Variants in ABCG8 observed in about 807,000 individuals in gnomAD.
ABCG8 encodes ATP-binding cassette sub-family G member 8.
ABCG8 carries 81 observed loss-of-function variants against 71.3 expected under a neutral mutation model. The ratio of observed to expected loss-of-function variants is 1.14; its 90% confidence interval spans 0.95 to 1.37. The LOEUF (loss-of-function observed/expected upper bound fraction) is 1.37. ABCG8 is among the 40% of genes most tolerant of loss of function. ABCG8 has a pLI of 0.00. For synonymous variants in ABCG8, 451 were observed against 354.7 expected (o/e 1.27, Z -3.05); for missense variants, 1,119 against 866.2 (o/e 1.29, Z -3.66).
At chr2:43,848,803 G>A (rs1278609767) in intron 3 of ABCG8, among the ~76,000 whole-genome samples, 1 of 151,906 alleles carries the variant, frequency 6.6e-6, no homozygotes, top group Non-Finnish European at 1.5e-5. Flanking sequence ...ATCACCTGAG[G>A]TCAGGAGTTC....
chr2:43,872,074 G>A lies in ABCG8; in HGVS notation c.1063G>A (p.Asp355Asn), dbSNP rs144221914. 1.2e-6 allele frequency: 2 copies of A among 1,613,986 alleles called. No homozygotes were observed. The highest frequency in any genetic ancestry group is 2.7e-5 in the African/African-American group (2 of 74,910). ...AGCCCTGTTTCTAGAAAAAGTGCGT[G>A]ACTTAGATGACTTTCTATGGAAAGC... is the stretch of plus-strand genomic sequence containing the variant. ...LAALFLEKVRDLDDFLWKAET... is the reference protein window; with the variant it reads ...LAALFLEKVRNLDDFLWKAET... Residue 355 changes from aspartate to asparagine, a missense_variant, in exon 7 of 13, where the codon GAC becomes AAC. Coordinates refer to ENST00000272286, the MANE Select transcript of ABCG8 (RefSeq NM_022437.3).
rs1270435664 is a variant in ABCG8 at position 43,881,624 on chromosome 2, G to C, written c.*3711G>C. 1 of 150,540 alleles carries C rather than the reference G, an allele frequency of 6.6e-6. No homozygotes were observed. Among genetic ancestry groups the C allele is most frequent in the Non-Finnish European group, 1.5e-5 (1 of 67,958 alleles). 9.3% of individuals were successfully genotyped at this position (150,540 alleles called of 1,614,324 possible). ...CTTGGGAGGTTGAGGCAGGAGAATCGCTTGAATCCGGGAGGCAGAGGTTGC... is the reference window on the plus strand; with the variant it reads ...CTTGGGAGGTTGAGGCAGGAGAATCCCTTGAATCCGGGAGGCAGAGGTTGC... On this transcript the variant is annotated 3_prime_UTR_variant, in exon 13 of 13. Coordinates refer to ENST00000272286, the MANE Select transcript of ABCG8 (RefSeq NM_022437.3).
At chr2:43,862,362 A>G (rs1669355272) in intron 6 of ABCG8, among the ~76,000 whole-genome samples, 1 of 150,716 alleles carries the variant, frequency 6.6e-6, no homozygotes, top group Non-Finnish European at 1.5e-5. Flanking sequence ...CTTACTGTGT[A>G]TCTGGATAGA....
chr2:43,867,845 A>G (rs548601864), intron 6 of ABCG8, among the ~76,000 whole-genome samples: 5 of 150,394 alleles, frequency 3.3e-5, no homozygotes, highest in African/African-American at 7.4e-5. Context: ...AATTCTCACT[A>G]TCTTTCTCAA....
In ABCG8 at chr2:43,852,988, G is replaced by A. The variant is rs975059635; in HGVS notation, c.964+120G>A. ...AACTCCCAGAGGTTTCAGGAGAGGA[G>A]GAGCAATGATGGGGAAGAACATGGG... On this transcript the variant is annotated intron_variant, in intron 6 of 12. Transcript: ENST00000272286. 5 of 1,259,808 alleles carry A rather than the reference G, an allele frequency of 4.0e-6. 1 individual carries two copies. Among genetic ancestry groups the A allele is most frequent in the Admixed American group, 1.9e-5 (1 of 53,688 alleles). 78.0% of individuals were successfully genotyped at this position (1,259,808 alleles called of 1,614,324 possible).
rs185455866 is a variant in ABCG8, at chr2:43,843,930, A to C, written c.64-577A>C. ...CACTTTGTTGCATGAACTCTTCATC[A>C]AAATCAGATATGAGGAGAAGTATGC... On this transcript the variant is annotated intron_variant, in intron 1 of 12. Coordinates refer to ENST00000272286, the MANE Select transcript of ABCG8 (RefSeq NM_022437.3). Among the ~76,000 whole-genome samples the C allele has an allele frequency of 4.6e-5, 7 of 152,328 alleles. No individual in the cohort carries two copies. In the East Asian group the frequency reaches 1.2e-3, roughly 25 times the overall value.
Position 43,846,142 on chromosome 2 carries a change from T to C in ABCG8, c.166-13T>C. 6.2e-7 allele frequency: 1 copy of C among 1,612,682 alleles called. No homozygotes were observed. The highest frequency in any genetic ancestry group is 8.5e-7 in the Non-Finnish European group (1 of 1,179,970). On this transcript the variant is annotated splice_polypyrimidine_tract_variant and intron_variant, in intron 2 of 12. Coordinates refer to ENST00000272286, the MANE Select transcript of ABCG8 (RefSeq NM_022437.3). ...TTCAGCTCTCTAAGGAACCTTCTGATATCTCCCCACAGGTGGACCTGGCCT... is the reference window on the plus strand; with the variant it reads ...TTCAGCTCTCTAAGGAACCTTCTGACATCTCCCCACAGGTGGACCTGGCCT...
At chr2:43,865,425 T>A (rs1337207507) in intron 6 of ABCG8, among the ~76,000 whole-genome samples, 1 of 148,832 alleles carries the variant, frequency 6.7e-6, no homozygotes, top group East Asian at 2.0e-4. Context: ...ATAGAATTCT[T>A]ACCATCTGGA....
intron 1 of ABCG8, among the ~76,000 whole-genome samples, chr2:43,843,208 A>G (rs1426978615): frequency 6.6e-6 from 1 of 152,046 alleles, no homozygotes; most frequent in Non-Finnish European, 1.5e-5. Flanking sequence ...CGGCCTTTTC[A>G]TTGTCACATC....
rs138296512 is a variant in ABCG8, at chr2:43,874,398, A to AT, written c.1412-9_1412-8insT. ...TCTTCATTCTCTTTTCCTTTCCCTT[A>AT]CTTTTTAGGTTACTCAGAGAGGGCA... On this transcript the variant is annotated splice_polypyrimidine_tract_variant and intron_variant, in intron 9 of 12. Coordinates refer to ENST00000272286, the MANE Select transcript of ABCG8 (RefSeq NM_022437.3). 251,345 of 1,588,950 alleles carry AT rather than the reference A, an allele frequency of 0.16. 21,892 individuals carry two copies. The highest frequency in any genetic ancestry group is 0.28 in the East Asian group (12,626 of 44,660).
chr2:43,839,393 CTTTTCTTCTCTTTTTTTTT>C (rs1668480912), intron 1 of ABCG8, among the ~76,000 whole-genome samples: 1 of 83,450 alleles, frequency 1.2e-5, no homozygotes, highest in Non-Finnish European at 2.7e-5. Flanking sequence ...TTTCTTTTTT[CTTTTCTTCTCTTTTTTTTT>C]TTTTTTTTTT....
chr2:43,879,987 A>G lies in ABCG8; in HGVS notation c.*2074A>G, dbSNP rs540248080. On this transcript the variant is annotated 3_prime_UTR_variant, in exon 13 of 13. Coordinates refer to ENST00000272286, the MANE Select transcript of ABCG8 (RefSeq NM_022437.3). The stretch of plus-strand genomic sequence containing the variant: ...TCCATTTATGCATTTTAAAATTTTG[A>G]TTGATGTAAACTTGTGAATTCCCAT... The G allele has an allele frequency of 6.6e-6, 1 of 152,126 alleles. No individual in the cohort carries two copies. The highest frequency in any genetic ancestry group is 1.9e-4 in the East Asian group (1 of 5,180). The allele number at this position is 152,126 out of a possible 1,614,324, so 9.4% of individuals were successfully genotyped here.
rs148770185 is a variant in ABCG8 at position 43,839,156 on chromosome 2, G to A, written c.63+40G>A. ...GGAAGTCGGCCCAGGCCTGGTGGGCGGGTAGGAGAAATCAAACCTTTCTCT... is the reference window on the plus strand; with the variant it reads ...GGAAGTCGGCCCAGGCCTGGTGGGCAGGTAGGAGAAATCAAACCTTTCTCT... On this transcript the variant is annotated intron_variant, in intron 1 of 12. Coordinates refer to ENST00000272286, the MANE Select transcript of ABCG8 (RefSeq NM_022437.3). The A allele has an allele frequency of 5.9e-4, 916 of 1,545,596 alleles. 5 individuals are homozygous for A. In the African/African-American group the frequency reaches 0.011, roughly 18 times the overall value.
At chr2:43,856,504 G>C (rs1242526736) in intron 6 of ABCG8, among the ~76,000 whole-genome samples, 1 of 151,228 alleles carries the variant, frequency 6.6e-6, no homozygotes, top group Non-Finnish European at 1.5e-5. Flanking sequence ...AACTCTCACT[G>C]TGTGGGAAGA....
intron 9 of ABCG8, 37 bp downstream of exon 9, chr2:43,874,023 C>G (rs765389508): frequency 5.0e-6 from 8 of 1,607,654 alleles, no homozygotes; most frequent in Non-Finnish European, 6.8e-6. Flanking sequence ...GGCAGGACCT[C>G]AGCCACCTCC....
intron 6 of ABCG8, among the ~76,000 whole-genome samples, chr2:43,863,876 C>G (rs1315757307): frequency 2.7e-5 from 4 of 150,672 alleles, no homozygotes; most frequent in Admixed American, 6.6e-5. Flanking sequence ...AATTCTCACT[C>G]TCTGGATAGA....
In ABCG8 at chr2:43,879,924, G is replaced by C. The variant is rs1421076554; in HGVS notation, c.*2011G>C. The C allele has an allele frequency of 6.6e-6, 1 of 152,128 alleles. No individual in the cohort carries two copies. Among genetic ancestry groups the C allele is most frequent in the Admixed American group, 6.5e-5 (1 of 15,276 alleles). 9.4% of individuals were successfully genotyped at this position (152,128 alleles called of 1,614,324 possible). A position where few individuals can be genotyped will look rare whatever the true frequency, so the allele number is the denominator to read the frequency against. Reference sequence around the variant, plus strand: ...TCCCTTTATAATTAATAAGCATTTTGTAAGTGGGTACTTTGAAACTATGTA... The same window carrying C: ...TCCCTTTATAATTAATAAGCATTTTCTAAGTGGGTACTTTGAAACTATGTA... On this transcript the variant is annotated 3_prime_UTR_variant, in exon 13 of 13. Coordinates refer to ENST00000272286, the MANE Select transcript of ABCG8 (RefSeq NM_022437.3).
intron 11 of ABCG8, among the ~76,000 whole-genome samples, chr2:43,876,236 C>G (rs1257986420): frequency 6.6e-6 from 1 of 152,220 alleles, no homozygotes; most frequent in Non-Finnish European, 1.5e-5. Context: ...CTCTCAGCTC[C>G]CTCGGCCCCA....
At position 43,846,206 on chromosome 2, in the gene ABCG8, A is replaced by G. The variant is rs1185330515; in HGVS notation, c.217A>G (p.Met73Val). ...PWFEQLAQFK[M>V]PWTSPSCQNS... ...GTTTGAGCAGCTGGCTCAGTTCAAG[A>G]TGCCCTGGACATCTCCCAGCTGCCA... Residue 73 changes from methionine (M) to valine (V), a missense_variant, in exon 3 of 13, where the codon ATG becomes GTG. Transcript: ENST00000272286. 6 of 1,613,954 alleles carry G rather than the reference A, an allele frequency of 3.7e-6. No homozygotes were observed. The highest frequency in any genetic ancestry group is 3.3e-5 in the Admixed American group (2 of 59,994).
Sources: allele counts gnomAD v4.1 joint callset (sites outside exome capture counted in the v4.1 genomes callset), GRCh38; gene constraint gnomAD v4.1.1; transcripts MANE v1.5; gene names NCBI Gene and HGNC (gene_info 2026-07-23, HGNC 2026-07-21).